Variants in CPSF1 observed in about 807,000 individuals in gnomAD.
CPSF1 encodes the protein cleavage and polyadenylation specificity factor subunit 1.
Under a neutral mutation model 175.8 loss-of-function variants are expected in CPSF1, and 106 were observed. That is an observed-to-expected ratio of 0.60 (90% CI 0.52 to 0.71). CPSF1 has a LOEUF of 0.71. CPSF1 is among the 30% of genes least tolerant of loss of function. The probability of loss-of-function intolerance (pLI) is 0.00; values close to 1 mark genes in which losing one functional copy is unlikely to be tolerated. For missense variants in CPSF1, 1,734 were observed against 2,022.9 expected, an observed-to-expected ratio of 0.86 and a Z score of 2.74; for synonymous variants, 1,024 against 858.3, an observed-to-expected ratio of 1.19 and a Z score of -3.37.
At chr8:144,406,416 C>T (rs1268506293) in intron 2 of CPSF1, among the ~76,000 whole-genome samples, 2 of 152,220 alleles carry the variant, frequency 1.3e-5, no homozygotes, top group Non-Finnish European at 2.9e-5. Context: ...AGCTGCCTTC[C>T]CTGGGCCTCC....
In CPSF1 at chr8:144,399,948, G is replaced by A. The variant is rs2116868216; in HGVS notation, c.1031+44C>T. 1.9e-6 allele frequency: 3 copies of A among 1,591,530 alleles called. No individual in the cohort carries two copies. The South Asian group carries it at 3.4e-5, about 18-fold the overall frequency. On this transcript the variant is annotated intron_variant, in intron 10 of 37. Transcript: ENST00000616140. The surrounding 1 kb of genome is among the most constrained non-coding windows in gnomAD (Gnocchi z 6.4). ...GGCCAGGGGACCCTACAGGACTTGT[G>A]GGGGGCGGTGTGGGCAGAGTTCATG...
rs1554865500 is a variant in CPSF1, at chr8:144,399,333, A to G, written c.1335T>C (p.Ile445=). The part of the protein sequence containing the change: ...KSVPQDEVDE[I]EVYGSEAQSG... ...ACTGGGCCTCGCTGCCGTACACTTC[A>G]ATCTCGTCCACCTCATCCTGCGGCA... Residue 445 remains isoleucine (I), a synonymous_variant, in exon 14 of 38, where the codon ATT becomes ATC. Transcript: ENST00000616140. This position sits in a 1 kb window ranked among gnomAD's most constrained non-coding sequence, Gnocchi z 6.4. 3.1e-6 allele frequency: 5 copies of G among 1,612,398 alleles called. No individual in the cohort carries two copies. Among genetic ancestry groups the G allele is most frequent in the Non-Finnish European group, 4.2e-6 (5 of 1,179,972 alleles).
chr8:144,399,938 C>T lies in CPSF1; in HGVS notation c.1031+54G>A, dbSNP rs1455110281. 3 of 1,575,394 alleles carry T rather than the reference C, an allele frequency of 1.9e-6. No individual in the cohort carries two copies. The highest frequency in any genetic ancestry group is 1.1e-5 in the South Asian group (1 of 88,136). Reference sequence around the variant, plus strand: ...GAGTGAAGGGGGCCAGGGGACCCTACAGGACTTGTGGGGGGCGGTGTGGGC... The same window carrying T: ...GAGTGAAGGGGGCCAGGGGACCCTATAGGACTTGTGGGGGGCGGTGTGGGC... On this transcript the variant is annotated intron_variant, in intron 10 of 37. Transcript: ENST00000616140. This position sits in a 1 kb window ranked among gnomAD's most constrained non-coding sequence, Gnocchi z 6.4.
In CPSF1 at chr8:144,393,780, G is replaced by A; in HGVS notation, c.4032C>T (p.Gly1344=). 1 of 1,597,632 alleles carries A rather than the reference G, an allele frequency of 6.3e-7. No homozygotes were observed. The highest frequency in any genetic ancestry group is 8.5e-7 in the Non-Finnish European group (1 of 1,177,720). ...CCTGCATGGGCAGCAGCAGCCCGAT[G>A]CCGCCGTCCAGGGTGGCTGGCAGGG... ...HITWFATLDG[G]IGLLLPMQEK... Residue 1344 remains glycine, a synonymous_variant, in exon 36 of 38, where the codon GGC becomes GGT. Transcript: ENST00000616140.
chr8:144,395,230 G>A (rs782674574), intron 28 of CPSF1, 35 bp downstream of exon 28: 35 of 1,612,734 alleles, frequency 2.2e-5, no homozygotes, highest in African/African-American at 8.0e-5. Flanking sequence ...CCCAAGATGC[G>A]GCTGAGGATG....
chr8:144,395,622 C>A, intron 26 of CPSF1, 71 bp from the exon 27 acceptor site: 2 of 1,333,532 alleles, frequency 1.5e-6, no homozygotes, highest in Non-Finnish European at 2.1e-6. Flanking sequence ...CCCAGGCCGC[C>A]AAGAGCCCTG....
At chr8:144,397,030 A>G (rs1256247519) in intron 23 of CPSF1, 101 bp from the exon 24 acceptor site, 10 of 742,190 alleles carry the variant, frequency 1.3e-5, no homozygotes, top group Non-Finnish European at 1.9e-5. Context: ...CGGGGCTGAG[A>G]TGGGGTGGAG....
rs2116859506 is a variant in CPSF1, at chr8:144,399,157, C to T, written c.1438G>A (p.Val480Met). The T allele has an allele frequency of 2.4e-5, 39 of 1,596,832 alleles. No individual in the cohort carries two copies. The highest frequency in any genetic ancestry group is 1.6e-4 in the South Asian group (14 of 88,978). ...TCAGAGAGGAAGGCAGGCTCGCCCA[C>T]GGCGGCATTGGCACAGGGTCCAATG... ...LNIGPCANAA[V>M]GEPAFLSEEF... Residue 480 changes from valine (V) to methionine (M), a missense_variant, in exon 15 of 38, where the codon GTG (valine) becomes ATG (methionine). By Grantham distance (21) the Val-to-Met change is conservative (BLOSUM62 1). Around this residue, in one of 10 missense-constraint regions of CPSF1, gnomAD observed 280 missense variants for 349.2 expected, o/e 0.80. Coordinates refer to ENST00000616140, the MANE Select transcript of CPSF1 (RefSeq NM_013291.3). The surrounding 1 kb of genome is among the most constrained non-coding windows in gnomAD (Gnocchi z 6.4).
Position 144,396,653 on chromosome 8 carries a change from GC to G in CPSF1, c.2770del (p.Ala924ProfsTer32), listed in dbSNP as rs781909087. 2 of 1,613,702 alleles carry G rather than the reference GC, an allele frequency of 1.2e-6. No individual in the cohort carries two copies. The highest frequency in any genetic ancestry group is 1.7e-6 in the Non-Finnish European group (2 of 1,180,016). Reference protein sequence around the residue: ...EGGGAEEGAGARGRVARFRYF... With the variant: ...EGGGAEEGAGXRGRVARFRYF... ...GCGGAAACGCGCCACGCGGCCCCGG[GC>G]CCCAGCCCCCTCCTCTGCGCCGCCA... On this transcript the variant is annotated frameshift_variant, in exon 25 of 38. Transcript: ENST00000616140. LOFTEE classifies it high-confidence loss of function.
Position 144,394,117 on chromosome 8 carries a change from G to C in CPSF1, c.3855C>G (p.Pro1285=), listed in dbSNP as rs139967807. 3.1e-6 allele frequency: 5 copies of C among 1,612,462 alleles called. No homozygotes were observed. Among genetic ancestry groups the C allele is most frequent in the East Asian group, 2.2e-5 (1 of 44,884 alleles). Reference sequence around the variant, plus strand: ...GGGGGTGGAGGAAGCACTCACCTTCGGGCAGGTACATGTACACCATGAGGT... The same window carrying C: ...GGGGGTGGAGGAAGCACTCACCTTCCGGCAGGTACATGTACACCATGAGGT... The part of the protein sequence containing the change: ...DRNLMVYMYL[P]EAKESFGGMR... The change falls in exon 34 of 38, where the codon CCC becomes CCG. Residue 1285 remains proline (P), a synonymous_variant. Transcript: ENST00000616140.
chr8:144,407,722 T>A (rs1264805080), intron 2 of CPSF1, among the ~76,000 whole-genome samples: 2 of 151,668 alleles, frequency 1.3e-5, no homozygotes, highest in East Asian at 1.9e-4. Context: ...AAAAAAAAAA[T>A]TATTTGTAGA....
chr8:144,405,112 G>C (rs150573028), intron 2 of CPSF1, among the ~76,000 whole-genome samples: 5 of 151,976 alleles, frequency 3.3e-5, no homozygotes, highest in Admixed American at 2.6e-4. Flanking sequence ...CGTTTACAGG[G>C]TTTCAAAATA....
intron 2 of CPSF1, 53 bp from the exon 3 acceptor site, chr8:144,401,726 T>C (rs1004581928): frequency 2.6e-6 from 4 of 1,552,424 alleles, no homozygotes; most frequent in African/African-American, 1.4e-5. Context: ...GCAGCTCACC[T>C]CATCCGGGGA....
At chr8:144,396,132 C>T (rs782789116) in intron 26 of CPSF1, 2 of 593,846 alleles carry the variant, frequency 3.4e-6, no homozygotes, top group Non-Finnish European at 5.9e-6. Flanking sequence ...GGTGGGGACC[C>T]CAGGGGCTGC....
In CPSF1 at chr8:144,397,470, T is replaced by G. The variant is rs1554864377; in HGVS notation, c.2385+17A>C. 1.3e-6 allele frequency: 2 copies of G among 1,598,178 alleles called. No homozygotes were observed. Among genetic ancestry groups the G allele is most frequent in the Non-Finnish European group, 1.7e-6 (2 of 1,171,728 alleles). On this transcript the variant is annotated intron_variant, in intron 22 of 37. Coordinates refer to ENST00000616140, the MANE Select transcript of CPSF1 (RefSeq NM_013291.3). ...GTGGGTGGAACCCGCTGGGCCACAG[T>G]GCAGGGCACCACCTACCTCCATGGT...
Position 144,395,563 on chromosome 8 carries a change from G to T in CPSF1, c.2980-12C>A. 1.2e-5 allele frequency: 7 copies of T among 583,206 alleles called. No individual in the cohort carries two copies. The highest frequency in any genetic ancestry group is 2.3e-5 in the Non-Finnish European group (7 of 310,912). The allele number at this position is 583,206 out of a possible 1,614,324, so 36.1% of individuals were successfully genotyped here. On this transcript the variant is annotated splice_polypyrimidine_tract_variant and intron_variant, in intron 26 of 37. Transcript: ENST00000616140. ...ATCCTCAGCTCGCCCTGGGGTGGGG[G>T]CACAGGGGTCAGGGGATCCAGGGCT...
In CPSF1 at chr8:144,396,521, G is replaced by A. The variant is rs1436399387; in HGVS notation, c.2827-21C>T. ...AAGACCTGGGGGCAGGCACCGTGAG[G>A]ATGCTGTGGATGAGGATGCTGCGGA... On this transcript the variant is annotated intron_variant, in intron 25 of 37. Coordinates refer to ENST00000616140, the MANE Select transcript of CPSF1 (RefSeq NM_013291.3). 2.5e-6 allele frequency: 4 copies of A among 1,610,968 alleles called. No individual in the cohort carries two copies. The East Asian group carries it at 8.9e-5, about 36-fold the overall frequency.
intron 2 of CPSF1, among the ~76,000 whole-genome samples, chr8:144,406,737 G>A (rs191235547): frequency 1.6e-3 from 238 of 151,978 alleles, no homozygotes; most frequent in African/African-American, 5.4e-3. Context: ...GCAGCACAAC[G>A]CTTCCTGCTC....
intron 31 of CPSF1, 28 bp from the exon 32 acceptor site, chr8:144,394,583 C>T (rs781908675): frequency 2.3e-5 from 37 of 1,603,742 alleles, no homozygotes; most frequent in South Asian, 4.5e-5. Context: ...GGTGAGCGGG[C>T]GCGGACGGGG....
Sources: gnomAD v4.1 joint callset for allele counts (sites outside exome capture counted in the v4.1 genomes callset) on GRCh38, gnomAD v4.1.1 for gene constraint, gnomAD v4.1.1 regional missense constraint, Gnocchi (gnomAD v3.1) non-coding constraint, MANE v1.5 for transcripts, NCBI Gene and HGNC (gene_info 2026-07-23, HGNC 2026-07-21) for gene names.